Variants in ASPRV1 observed in about 807,000 individuals in gnomAD.
ASPRV1 encodes aspartic peptidase retroviral like 1, also known as retroviral-like aspartic protease 1.
A neutral mutation model predicts 11.0 loss-of-function variants in ASPRV1; 7 were observed. The ratio of observed to expected loss-of-function variants is 0.64; its 90% CI spans 0.36 to 1.20. The LOEUF (loss-of-function observed/expected upper bound fraction) is 1.20. Ranked by LOEUF, ASPRV1 falls within the 50% of genes most tolerant of loss-of-function variation. The pLI, the probability that ASPRV1 is intolerant of heterozygous loss-of-function variation, is 0.02. For synonymous variants in ASPRV1, 136 were observed against 138.4 expected, an observed-to-expected ratio of 0.98 and a Z score of 0.12; for missense variants, 299 against 320.0, an observed-to-expected ratio of 0.93 and a Z score of 0.50.
chr2:70,061,334 G>T, the ASPRV1 span, among the ~76,000 whole-genome samples: 2 of 150,220 alleles, frequency 1.3e-5, no homozygotes, highest in East Asian at 4.0e-4. Context: ...GGCAGAGGTT[G>T]TAGTGAGCTG....
At chr2:69,937,561 A>G in the ASPRV1 span, among the ~76,000 whole-genome samples, 2 of 152,212 alleles carry the variant, frequency 1.3e-5, no homozygotes, top group African/African-American at 2.4e-5. Flanking sequence ...TCTCCCTGCT[A>G]ACACTTAGGT....
chr2:69,943,210 G>A, the ASPRV1 span, among the ~76,000 whole-genome samples: 1 of 152,156 alleles, frequency 6.6e-6, no homozygotes, highest in South Asian at 2.1e-4. Context: ...ACTCATTCTT[G>A]GCTGACTTGC....
the ASPRV1 span, among the ~76,000 whole-genome samples, chr2:69,948,840 G>A: frequency 6.6e-6 from 1 of 152,072 alleles, no homozygotes; most frequent in Non-Finnish European, 1.5e-5. Context: ...ACAGCACTCA[G>A]GCCTCCCCCG....
chr2:70,057,363 C>A, the ASPRV1 span, among the ~76,000 whole-genome samples: 1 of 152,162 alleles, frequency 6.6e-6, no homozygotes, highest in Non-Finnish European at 1.5e-5. Context: ...ACCATAAATA[C>A]AATTTTGCAC....
chr2:69,973,654 T>G, the ASPRV1 span, among the ~76,000 whole-genome samples: 2 of 152,344 alleles, frequency 1.3e-5, no homozygotes, highest in East Asian at 1.9e-4. Flanking sequence ...GGCCAGAACT[T>G]TACTTGTTTG....
the ASPRV1 span, among the ~76,000 whole-genome samples, chr2:69,949,934 G>T: frequency 6.6e-6 from 1 of 152,280 alleles, no homozygotes; most frequent in East Asian, 1.9e-4. Context: ...TCTTGCCTCA[G>T]CCTCCCGAGT....
rs148605731 is a variant in ASPRV1 at position 69,961,524 on chromosome 2, C to T, written c.-88G>A. The T allele has an allele frequency of 1.2e-3, 1,876 of 1,614,122 alleles. 9 individuals are homozygous for T. The highest frequency in any genetic ancestry group is 4.2e-3 in the South Asian group (378 of 91,082). On this transcript the variant is annotated 5_prime_UTR_variant, in exon 1 of 1. Coordinates refer to ENST00000320256, the MANE Select transcript of ASPRV1 (RefSeq NM_152792.4). ...GTGTCGGCGCAATCACGCTGGAAAACGGGGCCTCTCGAAGCAGAGTGGGGA... is the reference window on the plus strand; with the variant it reads ...GTGTCGGCGCAATCACGCTGGAAAATGGGGCCTCTCGAAGCAGAGTGGGGA...
chr2:70,040,651 T>C, the ASPRV1 span, among the ~76,000 whole-genome samples: 3 of 152,098 alleles, frequency 2.0e-5, no homozygotes, highest in African/African-American at 7.2e-5. Flanking sequence ...CTGGCCAAGA[T>C]GGTGAAACTT....
At chr2:70,054,478 G>A in the ASPRV1 span, among the ~76,000 whole-genome samples, 2,034 of 151,564 alleles carry the variant, frequency 0.013, 51 homozygotes, top group African/African-American at 0.047. Context: ...TACTCAGGAG[G>A]CTGAGGCAGA....
the ASPRV1 span, among the ~76,000 whole-genome samples, chr2:70,009,245 ATT>A: frequency 6.6e-6 from 1 of 152,130 alleles, no homozygotes; most frequent in Non-Finnish European, 1.5e-5. Flanking sequence ...TTGTCTATAT[ATT>A]TCCAAACTGT....
chr2:69,963,312 A>C (rs1210958654), upstream of ASPRV1: 4 of 456,438 alleles, frequency 8.8e-6, no homozygotes, highest in African/African-American at 2.0e-5. Flanking sequence ...CTTTGAGAAG[A>C]CTGTATAATG....
the ASPRV1 span, chr2:70,086,838 G>A: frequency 6.6e-6 from 1 of 152,258 alleles, no homozygotes; most frequent in African/African-American, 2.4e-5. Flanking sequence ...GCAGAGCCGC[G>A]ATTCGGCAGG....
chr2:70,041,189 C>A, the ASPRV1 span, among the ~76,000 whole-genome samples: 1 of 152,210 alleles, frequency 6.6e-6, no homozygotes, highest in African/African-American at 2.4e-5. Flanking sequence ...GATCAGCCAA[C>A]TAATGATCTC....
At chr2:69,933,359 G>A in the ASPRV1 span, among the ~76,000 whole-genome samples, 1 of 151,808 alleles carries the variant, frequency 6.6e-6, no homozygotes, top group Non-Finnish European at 1.5e-5. Flanking sequence ...TATTATCCAA[G>A]ATGAACAAGT....
the ASPRV1 span, among the ~76,000 whole-genome samples, chr2:70,026,006 G>A: frequency 6.6e-6 from 1 of 152,186 alleles, no homozygotes; most frequent in Non-Finnish European, 1.5e-5. Context: ...CACATCATGG[G>A]CACTTCCCAG....
the ASPRV1 span, among the ~76,000 whole-genome samples, chr2:69,986,710 G>T: frequency 1.3e-5 from 2 of 152,168 alleles, no homozygotes; most frequent in Non-Finnish European, 2.9e-5. Flanking sequence ...TTTCTAGGGG[G>T]CCCTAACTGC....
the ASPRV1 span, among the ~76,000 whole-genome samples, chr2:70,017,191 C>A: frequency 6.6e-6 from 1 of 152,166 alleles, no homozygotes; most frequent in South Asian, 2.1e-4. Flanking sequence ...CAGGGTTTCA[C>A]CATGTTAGCC....
At chr2:70,066,534 C>A in the ASPRV1 span, among the ~76,000 whole-genome samples, 1 of 152,176 alleles carries the variant, frequency 6.6e-6, no homozygotes, top group African/African-American at 2.4e-5. Context: ...TGAGCCACTG[C>A]GCCTGGCCTC....
the ASPRV1 span, among the ~76,000 whole-genome samples, chr2:69,950,888 TAATAAAA>T: frequency 2.2e-5 from 3 of 137,196 alleles, no homozygotes; most frequent in South Asian, 7.1e-4. Context: ...AATAAATAAA[TAATAAAA>T]AATAAAATAG....
Sources: gnomAD v4.1 joint callset for allele counts (sites outside exome capture counted in the v4.1 genomes callset) on GRCh38, gnomAD v4.1.1 for gene constraint, MANE v1.5 for transcripts, NCBI Gene and HGNC (gene_info 2026-07-23, HGNC 2026-07-21) for gene names.